Variants in HECTD2 observed in about 807,000 individuals in gnomAD.
The protein encoded by HECTD2 is HECT domain E3 ubiquitin protein ligase 2, also known as probable E3 ubiquitin-protein ligase HECTD2.
HECTD2 carries 35 observed loss-of-function variants against 103.2 expected under a neutral mutation model. That is an observed-to-expected ratio of 0.34 (90% CI 0.26 to 0.45). HECTD2 has a LOEUF of 0.45. Among genes scored for constraint, HECTD2 ranks in the 20% least tolerant of loss-of-function variants. The probability of loss-of-function intolerance (pLI) is 1.00; values close to 1 mark genes in which losing one functional copy is unlikely to be tolerated. For missense variants in HECTD2, 596 were observed against 937.4 expected, an observed-to-expected ratio of 0.64 and a Z score of 4.76; for synonymous variants, 281 against 329.9, an observed-to-expected ratio of 0.85 and a Z score of 1.61.
intron 1 of HECTD2, 65 bp downstream of exon 1, chr10:91,410,641 G>A (rs1842882413): frequency 1.1e-5 from 14 of 1,302,652 alleles, no homozygotes; most frequent in Non-Finnish European, 9.8e-7. Flanking sequence ...CGGCGGCCGG[G>A]CGAGGGCCGT....
At chr10:91,430,997 T>C (rs1220439413) in intron 2 of HECTD2, among the ~76,000 whole-genome samples, 2 of 151,752 alleles carry the variant, frequency 1.3e-5, no homozygotes, top group African/African-American at 2.4e-5. Context: ...CATTTTGGCA[T>C]GATTTTGCAG....
chr10:91,484,083 C>T lies in HECTD2; in HGVS notation c.822-424C>T, dbSNP rs532816710. 9.6e-5 allele frequency: 41 copies of T among 425,566 alleles called. No homozygotes were observed. In the South Asian group the frequency reaches 1.5e-3, roughly 15 times the overall value. The allele number at this position is 425,566 out of a possible 1,614,324, so 26.4% of individuals were successfully genotyped here. ...ACACTTGCAAAGAGAGAGTATTGAG[C>T]TAAAACAAGGCAGAACATCACTTTG... On this transcript the variant is annotated intron_variant, in intron 8 of 20. Coordinates refer to ENST00000298068, the MANE Select transcript of HECTD2 (RefSeq NM_182765.6).
intron 2 of HECTD2, among the ~76,000 whole-genome samples, chr10:91,427,822 A>G (rs1014199837): frequency 3.9e-5 from 6 of 151,962 alleles, no homozygotes; most frequent in African/African-American, 1.5e-4. Flanking sequence ...CCCATTTTGT[A>G]GGTTGCCTGT....
At chr10:91,478,355 C>G in intron 6 of HECTD2, 90 bp downstream of exon 6, 2 of 771,366 alleles carry the variant, frequency 2.6e-6, no homozygotes, top group Non-Finnish European at 4.4e-6. Context: ...GTATTTTACT[C>G]TCAGAAAAGA....
chr10:91,426,031 A>G (rs1284560834), intron 2 of HECTD2, among the ~76,000 whole-genome samples: 1 of 152,074 alleles, frequency 6.6e-6, no homozygotes, highest in Non-Finnish European at 1.5e-5. Flanking sequence ...ATATGTATGT[A>G]AAGTGACTGG....
At chr10:91,482,196 A>G (rs969931616) in intron 7 of HECTD2, among the ~76,000 whole-genome samples, 6 of 151,888 alleles carry the variant, frequency 4.0e-5, no homozygotes, top group Non-Finnish European at 5.9e-5. Context: ...GGTCAGTCCC[A>G]GATTTTGAGT....
intron 2 of HECTD2, among the ~76,000 whole-genome samples, chr10:91,445,830 C>T (rs1211794140): frequency 2.0e-5 from 3 of 151,998 alleles, no homozygotes; most frequent in Non-Finnish European, 4.4e-5. Flanking sequence ...GAGACTGTGC[C>T]CTGAGGAACG....
At chr10:91,504,182 CAG>C (rs1225466404) in intron 20 of HECTD2, among the ~76,000 whole-genome samples, 4 of 152,178 alleles carry the variant, frequency 2.6e-5, no homozygotes, top group South Asian at 2.1e-4. Flanking sequence ...GGGGAAAAAA[CAG>C]AGCAGAAAAA....
chr10:91,503,922 G>A (rs966756725), intron 20 of HECTD2, among the ~76,000 whole-genome samples: 3 of 152,214 alleles, frequency 2.0e-5, no homozygotes, highest in Non-Finnish European at 2.9e-5. Flanking sequence ...GTACGCAGCT[G>A]GAGATCTGAG....
At chr10:91,410,887 C>T (rs934950462) in intron 1 of HECTD2, among the ~76,000 whole-genome samples, 1 of 152,192 alleles carries the variant, frequency 6.6e-6, no homozygotes, top group Non-Finnish European at 1.5e-5. Flanking sequence ...CATCTTGAGT[C>T]GGCATGATCT....
At chr10:91,500,745 G>A (rs529868894) in intron 19 of HECTD2, 128 bp downstream of exon 19, 1 of 480,100 alleles carries the variant, frequency 2.1e-6, no homozygotes. Flanking sequence ...GAGTCCCACA[G>A]TCTTATTTTA....
chr10:91,480,625 A>G (rs1415755690), intron 6 of HECTD2, among the ~76,000 whole-genome samples: 1 of 152,070 alleles, frequency 6.6e-6, no homozygotes, highest in East Asian at 1.9e-4. Flanking sequence ...CTTACTTTTC[A>G]TGATTCTTTC....
chr10:91,477,929 C>A (rs1338607394), intron 5 of HECTD2, among the ~76,000 whole-genome samples: 2 of 152,082 alleles, frequency 1.3e-5, no homozygotes, highest in African/African-American at 4.8e-5. Context: ...AAATTGTTTT[C>A]CAGTTATATA....
intron 1 of HECTD2, among the ~76,000 whole-genome samples, chr10:91,417,954 A>G (rs1450908499): frequency 2.0e-5 from 3 of 152,200 alleles, no homozygotes; most frequent in African/African-American, 7.2e-5. Context: ...GACTTCCACA[A>G]TGGTTGAACT....
chr10:91,475,679 GT>G (rs1845875369), intron 5 of HECTD2, among the ~76,000 whole-genome samples: 1 of 152,210 alleles, frequency 6.6e-6, no homozygotes, highest in South Asian at 2.1e-4. Context: ...CAAACGAGAT[GT>G]TTTAAATAAA....
At position 91,500,560 on chromosome 10, in the gene HECTD2, A is replaced by G. The variant is rs1275289585; in HGVS notation, c.2009A>G (p.His670Arg). 6.2e-6 allele frequency: 10 copies of G among 1,612,814 alleles called. No homozygotes were observed. The highest frequency in any genetic ancestry group is 1.7e-5 in the Admixed American group (1 of 60,028). ...LVCGSPDLDM[H>R]ALQRSTQYDG... ...TGTGGAAGTCCTGACCTGGATATGC[A>G]TGCTCTGCAGAGAAGTACTCAGTAT... The change falls in exon 19 of 21, where the codon CAT (histidine) becomes CGT (arginine). Residue 670 changes from histidine (H) to arginine (R), a missense_variant. His to Arg is a conservative substitution (Grantham distance 29). Transcript: ENST00000298068.
chr10:91,425,339 T>C lies in HECTD2; in HGVS notation c.197T>C (p.Val66Ala), dbSNP rs1402860014. Residue 66 changes from valine to alanine, a missense_variant, in exon 2 of 21, where the codon GTT (valine) becomes GCT (alanine). Transcript: ENST00000298068. The stretch of plus-strand genomic sequence containing the variant: ...ACTTTCAGCAGTTTTATTTCAGCTG[T>C]TAGCCCGAAGAAAGAAGCTGCTGAA... Reference protein sequence around the residue: ...ISTFSSFISAVSPKKEAAENR... With the variant: ...ISTFSSFISAASPKKEAAENR... The C allele has an allele frequency of 2.6e-6, 4 of 1,551,792 alleles. No homozygotes were observed. In the Admixed American group the frequency reaches 5.3e-5, roughly 21 times the overall value.
At chr10:91,449,735 A>G (rs771915306) in intron 2 of HECTD2, among the ~76,000 whole-genome samples, 5 of 151,156 alleles carry the variant, frequency 3.3e-5, no homozygotes, top group Non-Finnish European at 7.4e-5. Context: ...AAGCATTCCT[A>G]TACACAAATA....
chr10:91,505,142 C>A lies in HECTD2; in HGVS notation c.2210+3808C>A, dbSNP rs1034643156. On this transcript the variant is annotated intron_variant, in intron 20 of 20. Transcript: ENST00000298068. ...AGGAAGCACTAAACATGGAAAGGAA[C>A]AACCGGTACCAGCCGCTGCAAAATC... is the stretch of plus-strand genomic sequence containing the variant. Among the ~76,000 whole-genome samples, 1,001 of 151,688 alleles carry A rather than the reference C, an allele frequency of 6.6e-3. 15 individuals carry two copies. Among genetic ancestry groups the A allele is most frequent in the African/African-American group, 0.023 (965 of 41,336 alleles).
Sources: allele counts gnomAD v4.1 joint callset (sites outside exome capture counted in the v4.1 genomes callset), GRCh38; gene constraint gnomAD v4.1.1; transcripts MANE v1.5; gene names NCBI Gene and HGNC (gene_info 2026-07-23, HGNC 2026-07-21).